LRBA: variants seen among roughly 807,000 people sequenced by gnomAD.
LRBA encodes lipopolysaccharide-responsive and beige-like anchor protein.
In LRBA, 176 loss-of-function variants were observed where a neutral mutation model predicts 330.0. The observed-to-expected ratio is 0.53, with a 90% CI of 0.47 to 0.60. The LOEUF (loss-of-function observed/expected upper bound fraction) is 0.60, where lower values mean the gene tolerates loss of function less well. Among genes scored for constraint, LRBA ranks in the 20% least tolerant of loss-of-function variants. The pLI is 0.00. For missense variants in LRBA, 3,259 were observed against 3,444.8 expected, an observed-to-expected ratio of 0.95 and a Z score of 1.35; for synonymous variants, 1,230 against 1,193.0, an observed-to-expected ratio of 1.03 and a Z score of -0.64.
intron 48 of LRBA, among the ~76,000 whole-genome samples, chr4:150,326,230 A>G (rs941059788): frequency 6.6e-6 from 1 of 152,172 alleles, no homozygotes; most frequent in African/African-American, 2.4e-5. Flanking sequence ...ATCATCCCCA[A>G]TGATGAAAAG....
chr4:150,325,037 G>A (rs1053136846), intron 49 of LRBA, among the ~76,000 whole-genome samples: 1 of 151,918 alleles, frequency 6.6e-6, no homozygotes, highest in African/African-American at 2.4e-5. Flanking sequence ...GACTTGCTTT[G>A]ACCAATGAAA....
chr4:150,821,450 G>C (rs891679340), intron 30 of LRBA, among the ~76,000 whole-genome samples: 2 of 151,796 alleles, frequency 1.3e-5, no homozygotes, highest in Non-Finnish European at 2.9e-5. Flanking sequence ...TTTTCCTAAA[G>C]TACCACACAG....
At chr4:150,538,330 T>A (rs900602208) in intron 40 of LRBA, among the ~76,000 whole-genome samples, 1 of 152,140 alleles carries the variant, frequency 6.6e-6, no homozygotes, top group East Asian at 1.9e-4. Context: ...AAAAGACACA[T>A]GCACTGGTAT....
At chr4:150,882,677 C>T (rs765828892) in intron 17 of LRBA, among the ~76,000 whole-genome samples, 7 of 152,058 alleles carry the variant, frequency 4.6e-5, no homozygotes, top group African/African-American at 1.2e-4. Flanking sequence ...GCAAGAGAAA[C>T]GCCCAAAAAG....
At chr4:150,952,385 A>G (rs1246328273) in intron 2 of LRBA, among the ~76,000 whole-genome samples, 1 of 152,204 alleles carries the variant, frequency 6.6e-6, no homozygotes, top group Admixed American at 6.5e-5. Flanking sequence ...GCAGACAATA[A>G]ACTATTAACA....
intron 34 of LRBA, among the ~76,000 whole-genome samples, chr4:150,782,790 G>A (rs183143716): frequency 3.3e-5 from 5 of 152,174 alleles, no homozygotes; most frequent in East Asian, 3.9e-4. Flanking sequence ...AGTCAATCAC[G>A]CTGAAGAAAC....
At chr4:150,407,036 G>T (rs1198065379) in intron 47 of LRBA, among the ~76,000 whole-genome samples, 1 of 152,154 alleles carries the variant, frequency 6.6e-6, no homozygotes, top group Non-Finnish European at 1.5e-5. Flanking sequence ...CCCTGCCTTA[G>T]CCTCCCAAAG....
At position 150,321,692 on chromosome 4, in the gene LRBA, T is replaced by C. The variant is rs74609295; in HGVS notation, c.7453-324A>G. 1.7e-4 allele frequency among the ~76,000 whole-genome samples: 26 copies of C among 152,278 alleles called. No homozygotes were observed. The East Asian group carries it at 4.3e-3, about 25-fold the overall frequency. ...TAAAAGAATGATTTGATTTAGATTC[T>C]ACACAGGCAAAGTGCTGGGGATTGC... On this transcript the variant is annotated intron_variant, in intron 49 of 56. Transcript: ENST00000651943. The surrounding 1 kb of genome is among the most constrained non-coding windows in gnomAD (Gnocchi z 4.5).
chr4:150,904,949 A>G (rs1047059114), intron 13 of LRBA, among the ~76,000 whole-genome samples: 1 of 152,176 alleles, frequency 6.6e-6, no homozygotes, highest in Non-Finnish European at 1.5e-5. Context: ...GTGGGCCAAA[A>G]GGCAGAAGGG....
chr4:150,834,322 C>T (rs1647746563), intron 28 of LRBA, among the ~76,000 whole-genome samples: 1 of 152,170 alleles, frequency 6.6e-6, no homozygotes, highest in African/African-American at 2.4e-5. Context: ...ATAGCAGCTA[C>T]AGCCTGATAA....
chr4:150,484,223 A>T (rs1757620835), intron 42 of LRBA, among the ~76,000 whole-genome samples: 1 of 151,686 alleles, frequency 6.6e-6, no homozygotes, highest in Admixed American at 6.6e-5. Flanking sequence ...CTCCTTTTCT[A>T]TTTTTTGCAA....
chr4:150,441,238 T>C (rs895659168), intron 44 of LRBA, among the ~76,000 whole-genome samples: 1 of 152,104 alleles, frequency 6.6e-6, no homozygotes, highest in Non-Finnish European at 1.5e-5. Context: ...AACATCACAA[T>C]CCTCTAAAGA....
chr4:150,269,818 G>A (rs995999041), intron 56 of LRBA, among the ~76,000 whole-genome samples: 1 of 152,050 alleles, frequency 6.6e-6, no homozygotes, highest in Non-Finnish European at 1.5e-5. Flanking sequence ...GGTGGCACAT[G>A]CCTGGAGTAC....
At chr4:150,398,451 C>T (rs1013115123) in intron 47 of LRBA, among the ~76,000 whole-genome samples, 2 of 151,906 alleles carry the variant, frequency 1.3e-5, no homozygotes, top group South Asian at 2.1e-4. Flanking sequence ...AATTATTTTG[C>T]TTTTACTGAA....
At chr4:150,568,668 C>T (rs1031863175) in intron 40 of LRBA, among the ~76,000 whole-genome samples, 3 of 152,056 alleles carry the variant, frequency 2.0e-5, no homozygotes, top group African/African-American at 7.2e-5. Flanking sequence ...TTTCTTATTA[C>T]AACTTAAAGA....
At chr4:151,003,467 C>T (rs1241774163) in intron 2 of LRBA, among the ~76,000 whole-genome samples, 1 of 151,572 alleles carries the variant, frequency 6.6e-6, no homozygotes, top group Middle Eastern at 3.4e-3. Context: ...CAAAGGAATC[C>T]TGAGCCTAAA....
At position 150,937,151 on chromosome 4, in the gene LRBA, C is replaced by A. The variant is rs77063828; in HGVS notation, c.217-8086G>T. Reference sequence around the variant, plus strand: ...ATTGCTTTAAATACTATAAAATATGCCTTTCAAGGAGAAATTGATGGCAGA... The same window carrying A: ...ATTGCTTTAAATACTATAAAATATGACTTTCAAGGAGAAATTGATGGCAGA... On this transcript the variant is annotated intron_variant, in intron 2 of 56. Coordinates refer to ENST00000651943, the MANE Select transcript of LRBA (RefSeq NM_001364905.1). Among the ~76,000 whole-genome samples, 1,076 of 152,072 alleles carry A rather than the reference C, an allele frequency of 7.1e-3. 6 individuals carry two copies. Among genetic ancestry groups the A allele is most frequent in the Non-Finnish European group, 0.012 (788 of 67,910 alleles).
chr4:150,745,806 G>A (rs1376489891), intron 35 of LRBA, among the ~76,000 whole-genome samples: 2 of 151,576 alleles, frequency 1.3e-5, no homozygotes, highest in Non-Finnish European at 2.9e-5. Flanking sequence ...CAGCCACTGC[G>A]CCCAGCCGAG....
chr4:150,578,038 G>A (rs190940247), intron 40 of LRBA, among the ~76,000 whole-genome samples: 1 of 152,246 alleles, frequency 6.6e-6, no homozygotes, highest in African/African-American at 2.4e-5. Context: ...ACAGGCAAAG[G>A]GCATTAGGTT....
Sources: allele counts gnomAD v4.1 joint callset (sites outside exome capture counted in the v4.1 genomes callset), GRCh38; gene constraint gnomAD v4.1.1; non-coding constraint Gnocchi (gnomAD v3.1); transcripts MANE v1.5; gene names NCBI Gene and HGNC (gene_info 2026-07-23, HGNC 2026-07-21).